SVEP1: variants seen among roughly 807,000 people sequenced by gnomAD.
SVEP1 encodes the protein sushi, von Willebrand factor type A, EGF and pentraxin domain-containing protein 1.
SVEP1 carries 164 observed loss-of-function variants against 367.3 expected under a neutral mutation model. The ratio of observed to expected loss-of-function variants is 0.45; its 90% CI spans 0.39 to 0.51. The LOEUF (loss-of-function observed/expected upper bound fraction) is 0.51. SVEP1 is among the 20% of genes least tolerant of loss of function. The probability of loss-of-function intolerance (pLI) is 0.00; values close to 1 mark genes in which losing one functional copy is unlikely to be tolerated. For synonymous variants in SVEP1, 1,666 were observed against 1,611.6 expected, an observed-to-expected ratio of 1.03 and a Z score of -0.81; for missense variants, 4,117 against 4,425.3, an observed-to-expected ratio of 0.93 and a Z score of 1.98.
At chr9:110,489,282 G>C (rs142674049) in intron 9 of SVEP1, among the ~76,000 whole-genome samples, 1 of 152,152 alleles carries the variant, frequency 6.6e-6, no homozygotes, top group African/African-American at 2.4e-5. Flanking sequence ...AAGACTTACT[G>C]TATTAGTCTG....
chr9:110,532,527 C>G (rs1219963255), intron 3 of SVEP1, among the ~76,000 whole-genome samples: 2 of 152,134 alleles, frequency 1.3e-5, no homozygotes, highest in East Asian at 1.9e-4. Flanking sequence ...TCACTAGCAG[C>G]TTGGGGTATC....
In SVEP1 at chr9:110,415,224, GTC is replaced by G. The variant is rs1828101290; in HGVS notation, c.5976-3491_5976-3490del. ...CATTATATCACTTAAGTCTCTTAAA[GTC>G]TCTGCATTTTTGTCCTAAGCTTAAG... On this transcript the variant is annotated intron_variant, in intron 36 of 47. Coordinates refer to ENST00000374469, the MANE Select transcript of SVEP1 (RefSeq NM_153366.4). Among the ~76,000 whole-genome samples, 4 of 152,162 alleles carry G rather than the reference GTC, an allele frequency of 2.6e-5. No homozygotes were observed. In the South Asian group the frequency reaches 8.3e-4, roughly 32 times the overall value.
chr9:110,423,133 T>C (rs1252221005), intron 36 of SVEP1, among the ~76,000 whole-genome samples: 3 of 44,026 alleles, frequency 6.8e-5, no homozygotes, highest in Non-Finnish European at 1.5e-4. Flanking sequence ...AAAATAATAA[T>C]AATAAAAAAA....
At chr9:110,397,279 G>C (rs1464764301) in intron 40 of SVEP1, among the ~76,000 whole-genome samples, 1 of 152,198 alleles carries the variant, frequency 6.6e-6, no homozygotes, top group African/African-American at 2.4e-5. Context: ...AAAGGCCTTT[G>C]ACAAAATTCA....
In SVEP1 at chr9:110,482,530, T is replaced by C. The variant is rs1286939300; in HGVS notation, c.2039-38A>G. Reference sequence around the variant, plus strand: ...GAAGGCAGCCAATTTTTGGGTTGTATTCACAATATTTTTTTTGAAACAGTC... The same window carrying C: ...GAAGGCAGCCAATTTTTGGGTTGTACTCACAATATTTTTTTTGAAACAGTC... On this transcript the variant is annotated intron_variant, in intron 10 of 47. Coordinates refer to ENST00000374469, the MANE Select transcript of SVEP1 (RefSeq NM_153366.4). 9 of 1,547,962 alleles carry C rather than the reference T, an allele frequency of 5.8e-6. No individual in the cohort carries two copies. The African/African-American group carries it at 8.2e-5, about 14-fold the overall frequency.
At chr9:110,445,673 A>T (rs1369970606) in intron 26 of SVEP1, among the ~76,000 whole-genome samples, 164 bp downstream of exon 26, 1 of 152,230 alleles carries the variant, frequency 6.6e-6, no homozygotes, top group Non-Finnish European at 1.5e-5. Context: ...CTAAAAATTT[A>T]CGTTCTTAAA....
intron 13 of SVEP1, among the ~76,000 whole-genome samples, chr9:110,476,600 C>G: frequency 6.6e-6 from 1 of 152,144 alleles, no homozygotes; most frequent in East Asian, 1.9e-4. Context: ...CGCTATATGG[C>G]TCTTTGGAAC....
At chr9:110,463,773 A>G (rs1828896592) in intron 18 of SVEP1, among the ~76,000 whole-genome samples, 1 of 152,038 alleles carries the variant, frequency 6.6e-6, no homozygotes, top group African/African-American at 2.4e-5. Context: ...GGAGTTAAAA[A>G]CTAACAAAAA....
intron 38 of SVEP1, among the ~76,000 whole-genome samples, chr9:110,405,331 G>A (rs554314512): frequency 2.3e-4 from 35 of 150,738 alleles, no homozygotes; most frequent in African/African-American, 7.8e-4. Context: ...ATACCTACAT[G>A]GACTCAGATA....
At chr9:110,458,754 T>G (rs1588063656) in intron 19 of SVEP1, among the ~76,000 whole-genome samples, 192 bp from the exon 20 acceptor site, 1 of 152,274 alleles carries the variant, frequency 6.6e-6, no homozygotes, top group East Asian at 1.9e-4. Context: ...GAAAGAAATT[T>G]AGAAGTTATC....
At chr9:110,376,140 C>G (rs925902008) in intron 45 of SVEP1, among the ~76,000 whole-genome samples, 1 of 152,210 alleles carries the variant, frequency 6.6e-6, no homozygotes, top group Non-Finnish European at 1.5e-5. Flanking sequence ...CTTTGCATCA[C>G]CTAGGAGTTG....
chr9:110,524,286 G>A (rs1168540378), intron 3 of SVEP1, among the ~76,000 whole-genome samples: 1 of 151,916 alleles, frequency 6.6e-6, no homozygotes, highest in Non-Finnish European at 1.5e-5. Flanking sequence ...AGAAGAGAAG[G>A]GAACATGCCC....
chr9:110,476,311 G>A lies in SVEP1; in HGVS notation c.2492C>T (p.Pro831Leu). The A allele has an allele frequency of 1.2e-6, 2 of 1,610,422 alleles. No individual in the cohort carries two copies. The highest frequency in any genetic ancestry group is 1.7e-6 in the Non-Finnish European group (2 of 1,177,360). Reference protein sequence around the residue: ...AFETTLGKMVPSFCSDAEDID... With the variant: ...AFETTLGKMVLSFCSDAEDID... Reference sequence around the variant, plus strand: ...GTCCTCTGCATCACTACAAAATGATGGGACCTGCAAGTAAAAAATGAAGAG... The same window carrying A: ...GTCCTCTGCATCACTACAAAATGATAGGACCTGCAAGTAAAAAATGAAGAG... Residue 831 changes from proline to leucine, a missense_variant, in exon 14 of 48, where the codon CCA (proline) becomes CTA (leucine). This residue lies in a region of SVEP1 where 2,174 missense variants were observed against 2,494.3 expected (regional missense o/e 0.87). Transcript: ENST00000374469.
chr9:110,398,707 GA>G (rs1827808694), intron 40 of SVEP1, among the ~76,000 whole-genome samples: 1 of 152,182 alleles, frequency 6.6e-6, no homozygotes, highest in Non-Finnish European at 1.5e-5. Context: ...GTTCTCAAAA[GA>G]AGACGTTTAT....
At chr9:110,432,271 G>A (rs191175694) in intron 31 of SVEP1, among the ~76,000 whole-genome samples, 191 bp downstream of exon 31, 56 of 152,212 alleles carry the variant, frequency 3.7e-4, no homozygotes, top group African/African-American at 1.3e-3. Context: ...TCTTAATATG[G>A]AGCCTGATAA....
At chr9:110,373,579 A>G (rs1391060038) in intron 46 of SVEP1, among the ~76,000 whole-genome samples, 2 of 147,820 alleles carry the variant, frequency 1.4e-5, no homozygotes, top group Non-Finnish European at 2.9e-5. Flanking sequence ...TTATAGGAGG[A>G]ATAGTGGTAT....
At chr9:110,529,524 T>C (rs1273787047) in intron 3 of SVEP1, among the ~76,000 whole-genome samples, 1 of 152,172 alleles carries the variant, frequency 6.6e-6, no homozygotes, top group Non-Finnish European at 1.5e-5. Context: ...GTTTGTGTCA[T>C]CTATGGTTTC....
intron 29 of SVEP1, among the ~76,000 whole-genome samples, 190 bp from the exon 30 acceptor site, chr9:110,434,696 T>TAAAAAAAAA: frequency 1.9e-5 from 1 of 52,812 alleles, no homozygotes; most frequent in South Asian, 7.0e-4. Flanking sequence ...AGCATTTAAG[T>TAAAAAAAAA]CAATAACTCT....
intron 36 of SVEP1, among the ~76,000 whole-genome samples, chr9:110,416,434 G>A (rs746657640): frequency 2.6e-4 from 39 of 151,762 alleles, no homozygotes; most frequent in Non-Finnish European, 4.9e-4. Context: ...CAGTGAACTG[G>A]AAGAAATATA....
Sources: gnomAD v4.1 joint callset for allele counts (sites outside exome capture counted in the v4.1 genomes callset) on GRCh38, gnomAD v4.1.1 for gene constraint, gnomAD v4.1.1 regional missense constraint, MANE v1.5 for transcripts, NCBI Gene and HGNC (gene_info 2026-07-23, HGNC 2026-07-21) for gene names.